Variants in MACROD2 observed in about 807,000 individuals in gnomAD.
The protein encoded by MACROD2 is ADP-ribose glycohydrolase MACROD2.
A neutral mutation model predicts 70.4 loss-of-function variants in MACROD2; 36 were observed. That is an observed-to-expected ratio of 0.51 (90% CI 0.39 to 0.68). The LOEUF (loss-of-function observed/expected upper bound fraction) is 0.68. MACROD2 is among the 30% of genes least tolerant of loss of function. The probability of loss-of-function intolerance (pLI) is 0.00; values close to 1 mark genes in which losing one functional copy is unlikely to be tolerated. For missense variants in MACROD2, 496 were observed against 538.4 expected, an observed-to-expected ratio of 0.92 and a Z score of 0.78; for synonymous variants, 172 against 178.8, an observed-to-expected ratio of 0.96 and a Z score of 0.30.
chr20:14,372,617 A>T (rs559746515), intron 3 of MACROD2, among the ~76,000 whole-genome samples: 2 of 152,078 alleles, frequency 1.3e-5, no homozygotes, highest in African/African-American at 4.8e-5. Flanking sequence ...TTCTGATTCA[A>T]TTCCTCTCAC....
intron 5 of MACROD2, among the ~76,000 whole-genome samples, chr20:15,029,813 A>G (rs1568539716): frequency 6.6e-6 from 1 of 152,180 alleles, no homozygotes; most frequent in South Asian, 2.1e-4. Context: ...GAGGCAGTGA[A>G]TAAATGCTTA....
chr20:14,337,047 A>G (rs544516224), intron 3 of MACROD2, among the ~76,000 whole-genome samples: 1 of 152,354 alleles, frequency 6.6e-6, no homozygotes, highest in African/African-American at 2.4e-5. Context: ...CACGTACAGT[A>G]CACACCAAGT....
intron 3 of MACROD2, among the ~76,000 whole-genome samples, chr20:14,385,494 A>G (rs2083459706): frequency 6.6e-6 from 1 of 152,204 alleles, no homozygotes; most frequent in South Asian, 2.1e-4. Flanking sequence ...AATGCTTAGT[A>G]ACATAACCCT....
At chr20:15,120,126 G>T (rs908166879) in intron 5 of MACROD2, among the ~76,000 whole-genome samples, 1 of 152,164 alleles carries the variant, frequency 6.6e-6, no homozygotes, top group South Asian at 2.1e-4. Flanking sequence ...ACTAAGAATG[G>T]TTTGCTTGCT....
chr20:16,038,075 T>C (rs988449147), intron 15 of MACROD2, among the ~76,000 whole-genome samples: 1 of 151,880 alleles, frequency 6.6e-6, no homozygotes, highest in South Asian at 2.1e-4. Flanking sequence ...AAAGATGTCA[T>C]TGCATCATCT....
At chr20:15,148,113 T>A (rs905102614) in intron 5 of MACROD2, among the ~76,000 whole-genome samples, 2 of 151,108 alleles carry the variant, frequency 1.3e-5, no homozygotes, top group Non-Finnish European at 2.9e-5. Context: ...ATGGTGAAAA[T>A]TTTTGGGGGG....
intron 13 of MACROD2, among the ~76,000 whole-genome samples, chr20:15,971,467 CA>C (rs2066229597): frequency 6.6e-6 from 1 of 152,188 alleles, no homozygotes; most frequent in Admixed American, 6.5e-5. Flanking sequence ...CATGCGGTTG[CA>C]CCTCCCTTGC....
intron 8 of MACROD2, among the ~76,000 whole-genome samples, chr20:15,780,697 G>T (rs1371123261): frequency 6.6e-6 from 1 of 152,096 alleles, no homozygotes; most frequent in East Asian, 1.9e-4. Flanking sequence ...TCATTGGGAG[G>T]CTTCTGTAGT....
At chr20:14,225,158 C>T (rs770263220) in intron 3 of MACROD2, among the ~76,000 whole-genome samples, 4 of 152,074 alleles carry the variant, frequency 2.6e-5, no homozygotes, top group Non-Finnish European at 5.9e-5. Context: ...TTTTCCTCTT[C>T]AGAATAATTG....
Position 15,529,083 on chromosome 20 carries a change from C to T in MACROD2, c.645+29236C>T, listed in dbSNP as rs554207350. Among the ~76,000 whole-genome samples the T allele has an allele frequency of 3.1e-4, 47 of 152,232 alleles. No homozygotes were observed. The South Asian group carries it at 8.9e-3, about 29-fold the overall frequency. ...TTGGGAGGCCTGAGTCAGTAGTAGA[C>T]ACCACTGCTCCACGTGATTGATCAG... is the stretch of plus-strand genomic sequence containing the variant. On this transcript the variant is annotated intron_variant, in intron 8 of 17. Coordinates refer to ENST00000684519, the MANE Select transcript of MACROD2 (RefSeq NM_001351661.2).
intron 7 of MACROD2, among the ~76,000 whole-genome samples, chr20:15,456,354 G>A (rs2046726085): frequency 1.3e-5 from 2 of 152,122 alleles, no homozygotes; most frequent in Non-Finnish European, 2.9e-5. Flanking sequence ...AAGCAGTTTG[G>A]AGTTCTCTTC....
intron 5 of MACROD2, among the ~76,000 whole-genome samples, chr20:15,113,800 G>GTGTGTGT (rs1568580676): frequency 4.7e-5 from 7 of 148,174 alleles, no homozygotes; most frequent in Non-Finnish European, 6.0e-5. Context: ...GTGTGTGTGT[G>GTGTGTGT]CTGGAGGGGT....
intron 7 of MACROD2, among the ~76,000 whole-genome samples, chr20:15,465,284 A>C (rs1321703898): frequency 1.3e-5 from 2 of 152,258 alleles, no homozygotes; most frequent in Non-Finnish European, 2.9e-5. Flanking sequence ...TGTATCTACC[A>C]TGATACGTCA....
chr20:14,388,777 G>C (rs1037970921), intron 3 of MACROD2, among the ~76,000 whole-genome samples: 2 of 151,994 alleles, frequency 1.3e-5, no homozygotes, highest in Non-Finnish European at 2.9e-5. Flanking sequence ...CATCACCAGT[G>C]GCATTTTATA....
intron 5 of MACROD2, among the ~76,000 whole-genome samples, chr20:14,842,961 A>T (rs1319932207): frequency 6.6e-6 from 1 of 151,942 alleles, no homozygotes; most frequent in East Asian, 1.9e-4. Flanking sequence ...TAAGGTTCAA[A>T]TCCCAGAGTG....
chr20:16,049,131 G>T (rs1450602473), intron 17 of MACROD2, among the ~76,000 whole-genome samples: 1 of 152,004 alleles, frequency 6.6e-6, no homozygotes. Context: ...ATAGAAATCA[G>T]ATCATTTGTT....
At chr20:14,575,017 CAAAAAA>C (rs1195216470) in intron 4 of MACROD2, among the ~76,000 whole-genome samples, 1,687 of 49,914 alleles carry the variant, frequency 0.034, 52 homozygotes, top group African/African-American at 0.12. Context: ...GACTCTGTCT[CAAAAAA>C]AAAAAAAAAA....
intron 2 of MACROD2, among the ~76,000 whole-genome samples, chr20:14,038,472 C>T (rs947535840): frequency 6.6e-6 from 1 of 152,150 alleles, no homozygotes; most frequent in African/African-American, 2.4e-5. Context: ...AGAACTTGCC[C>T]AACGTCATAC....
chr20:15,516,585 G>T (rs981474128), intron 8 of MACROD2, among the ~76,000 whole-genome samples: 4 of 152,118 alleles, frequency 2.6e-5, no homozygotes, highest in Non-Finnish European at 5.9e-5. Context: ...AAGACTCTGG[G>T]TGCGTTCTGG....
Sources: gnomAD v4.1 joint callset for allele counts (sites outside exome capture counted in the v4.1 genomes callset) on GRCh38, gnomAD v4.1.1 for gene constraint, MANE v1.5 for transcripts, NCBI Gene and HGNC (gene_info 2026-07-23, HGNC 2026-07-21) for gene names.